SHB: variants seen among roughly 807,000 people sequenced by gnomAD.
SHB encodes SH2 domain containing adaptor protein B, also known as SH2 domain-containing adapter protein B.
Under a neutral mutation model 52.3 loss-of-function variants are expected in SHB, and 20 were observed. The observed-to-expected ratio is 0.38, with a 90% CI of 0.27 to 0.56. The LOEUF is 0.56. SHB is among the 20% of genes least tolerant of loss of function. The probability of loss-of-function intolerance (pLI) is 0.71; values close to 1 mark genes in which losing one functional copy is unlikely to be tolerated. For missense variants in SHB, 825 were observed against 723.3 expected (o/e 1.14, Z -1.61); for synonymous variants, 397 against 316.5 (o/e 1.25, Z -2.70).
chr9:37,995,427 C>T (rs1031037440), intron 2 of SHB, among the ~76,000 whole-genome samples: 1 of 152,082 alleles, frequency 6.6e-6, no homozygotes, highest in African/African-American at 2.4e-5. Flanking sequence ...CACCTGCCCA[C>T]TGCTGATGGG....
At chr9:38,053,459 C>T (rs1346321433) in intron 1 of SHB, among the ~76,000 whole-genome samples, 3 of 152,064 alleles carry the variant, frequency 2.0e-5, no homozygotes, top group Non-Finnish European at 4.4e-5. Context: ...GGATGGTCTA[C>T]ATCTCCTGAC....
intron 5 of SHB, among the ~76,000 whole-genome samples, chr9:37,925,718 T>C (rs1305032002): frequency 6.6e-6 from 1 of 152,226 alleles, no homozygotes; most frequent in Non-Finnish European, 1.5e-5. Flanking sequence ...TACTCTTTCT[T>C]ATGACTTTAT....
chr9:38,016,698 G>A (rs1463736697), intron 1 of SHB, among the ~76,000 whole-genome samples: 1 of 152,194 alleles, frequency 6.6e-6, no homozygotes. Context: ...GCCCCAGACA[G>A]ACCAAATAAA....
At chr9:38,021,143 G>A (rs1821277885) in intron 1 of SHB, among the ~76,000 whole-genome samples, 1 of 151,310 alleles carries the variant, frequency 6.6e-6, no homozygotes, top group African/African-American at 2.4e-5. Context: ...TTCGAGACCA[G>A]CCCGACCAAC....
chr9:37,950,591 C>T (rs1411019520), intron 4 of SHB, among the ~76,000 whole-genome samples: 2 of 152,124 alleles, frequency 1.3e-5, no homozygotes, highest in Middle Eastern at 3.2e-3. Flanking sequence ...GGCAGAGGCA[C>T]GGGGCGGTAC....
At chr9:37,992,062 C>G (rs1390677095) in intron 2 of SHB, among the ~76,000 whole-genome samples, 1 of 152,208 alleles carries the variant, frequency 6.6e-6, no homozygotes, top group Admixed American at 6.5e-5. Context: ...CTCCTCCCCT[C>G]CGGAGCACCT....
intron 2 of SHB, among the ~76,000 whole-genome samples, chr9:37,978,593 T>A (rs1050144529): frequency 2.6e-5 from 4 of 152,210 alleles, no homozygotes; most frequent in African/African-American, 9.7e-5. Context: ...TAACGCAGGC[T>A]TTTTAAACAA....
intron 1 of SHB, among the ~76,000 whole-genome samples, chr9:38,064,170 A>T (rs1293536000): frequency 6.6e-6 from 1 of 151,482 alleles, no homozygotes; most frequent in Non-Finnish European, 1.5e-5. Flanking sequence ...TCATCCCAGG[A>T]GCTCGGGACC....
intron 1 of SHB, among the ~76,000 whole-genome samples, chr9:38,052,342 A>G (rs1461202978): frequency 6.6e-6 from 1 of 152,146 alleles, no homozygotes; most frequent in African/African-American, 2.4e-5. Flanking sequence ...CTCTCCAACC[A>G]GCAGAGCCAT....
At chr9:38,066,526 T>C (rs910795552) in intron 1 of SHB, among the ~76,000 whole-genome samples, 3 of 152,078 alleles carry the variant, frequency 2.0e-5, no homozygotes, top group Admixed American at 2.0e-4. Flanking sequence ...AGCTCCTAGG[T>C]AGCCACCTGG....
intron 2 of SHB, among the ~76,000 whole-genome samples, chr9:37,980,045 G>C (rs1820705247): frequency 1.3e-5 from 2 of 152,204 alleles, no homozygotes; most frequent in Admixed American, 6.5e-5. Context: ...GCTGCCGACT[G>C]ATCAGGGTGG....
At chr9:37,981,953 C>T (rs897990295) in intron 2 of SHB, among the ~76,000 whole-genome samples, 10 of 151,926 alleles carry the variant, frequency 6.6e-5, no homozygotes, top group African/African-American at 2.2e-4. Flanking sequence ...CACAGGTCAC[C>T]GTAACAGCTA....
chr9:37,991,705 G>A (rs1197481476), intron 2 of SHB, among the ~76,000 whole-genome samples: 4 of 152,320 alleles, frequency 2.6e-5, no homozygotes, highest in Non-Finnish European at 5.9e-5. Context: ...TCTCCTGGAA[G>A]CTTGATACCC....
intron 5 of SHB, among the ~76,000 whole-genome samples, chr9:37,942,068 T>A (rs1442741011): frequency 6.6e-6 from 1 of 152,234 alleles, no homozygotes; most frequent in Non-Finnish European, 1.5e-5. Context: ...CTTTGCTATA[T>A]TAATCAATGA....
At chr9:38,042,257 G>A (rs1344220191) in intron 1 of SHB, among the ~76,000 whole-genome samples, 1 of 152,302 alleles carries the variant, frequency 6.6e-6, no homozygotes, top group East Asian at 1.9e-4. Flanking sequence ...CATGGTGCCC[G>A]GGACACAGTA....
chr9:38,061,135 C>T (rs944191434), intron 1 of SHB, among the ~76,000 whole-genome samples: 2 of 151,990 alleles, frequency 1.3e-5, no homozygotes, highest in African/African-American at 4.8e-5. Flanking sequence ...AGTTTGAGAT[C>T]AGCCTGGGCA....
At chr9:38,040,817 G>A (rs1821565837) in intron 1 of SHB, among the ~76,000 whole-genome samples, 2 of 152,068 alleles carry the variant, frequency 1.3e-5, no homozygotes, top group South Asian at 4.2e-4. Flanking sequence ...AAGTCTTTGG[G>A]GCTTTGCCAT....
chr9:37,974,319 T>A (rs560974444), intron 3 of SHB, among the ~76,000 whole-genome samples: 1 of 152,174 alleles, frequency 6.6e-6, no homozygotes, highest in African/African-American at 2.4e-5. Flanking sequence ...AGCTAGGGTA[T>A]TATCAATAAA....
At chr9:37,974,169 T>C (rs1288685855) in intron 3 of SHB, among the ~76,000 whole-genome samples, 1 of 152,040 alleles carries the variant, frequency 6.6e-6, no homozygotes, top group Non-Finnish European at 1.5e-5. Context: ...GGCAGGAGAA[T>C]CACTTGAACC....
Sources: allele counts gnomAD v4.1 joint callset (sites outside exome capture counted in the v4.1 genomes callset), GRCh38; gene constraint gnomAD v4.1.1; transcripts MANE v1.5; gene names NCBI Gene and HGNC (gene_info 2026-07-23, HGNC 2026-07-21).